The following E2F3 variants were observed in gnomAD, a reference collection of about 807,000 sequenced individuals.
E2F3 encodes the protein E2F transcription factor 3, also known as transcription factor E2F3.
E2F3 carries 11 observed loss-of-function variants against 44.4 expected under a neutral mutation model. The observed-to-expected ratio is 0.25, with a 90% confidence interval of 0.16 to 0.41. E2F3 has a LOEUF of 0.41. E2F3 is among the 10% of genes least tolerant of loss of function. The probability of loss-of-function intolerance (pLI) is 1.00; values close to 1 mark genes in which losing one functional copy is unlikely to be tolerated. For missense variants in E2F3, 487 were observed against 583.6 expected, an observed-to-expected ratio of 0.83 and a Z score of 1.70; for synonymous variants, 249 against 253.0, an observed-to-expected ratio of 0.98 and a Z score of 0.15.
Position 20,482,744 on chromosome 6 carries a change from C to CT in E2F3, c.726-17dup, listed in dbSNP as rs1379798669. On this transcript the variant is annotated splice_polypyrimidine_tract_variant and intron_variant, in intron 3 of 6. Transcript: ENST00000346618. ...CCTCCCATGAGTAGCCATGAAGAGTCTGTGTTTGGGTTTCTAGGGGCTGCA... is the reference window on the plus strand; with the variant it reads ...CCTCCCATGAGTAGCCATGAAGAGTCTTGTGTTTGGGTTTCTAGGGGCTGCA... The CT allele has an allele frequency of 1.3e-6, 2 of 1,579,558 alleles. No homozygotes were observed. The highest frequency in any genetic ancestry group is 2.7e-5 in the African/African-American group (2 of 73,768).
chr6:20,461,260 G>A (rs550690316), intron 1 of E2F3, among the ~76,000 whole-genome samples: 5 of 152,222 alleles, frequency 3.3e-5, no homozygotes, highest in African/African-American at 7.2e-5. Flanking sequence ...TTGGGAGGCC[G>A]AGGTGAGTGG....
Position 20,402,768 on chromosome 6 carries a change from T to C in E2F3, c.393+143T>C. ...TCGGGGGCTGCCCCTCCAACGAGGG[T>C]TCATTGTTAGACCTGAGTGCTCTTC... On this transcript the variant is annotated intron_variant, in intron 1 of 6. Coordinates refer to ENST00000346618, the MANE Select transcript of E2F3 (RefSeq NM_001949.5). The surrounding 1 kb of genome is among the most constrained non-coding windows in gnomAD (Gnocchi z 5.6). 4 of 1,243,554 alleles carry C rather than the reference T, an allele frequency of 3.2e-6. No individual in the cohort carries two copies. Among genetic ancestry groups the C allele is most frequent in the Non-Finnish European group, 4.0e-6 (4 of 994,400 alleles). The allele number at this position is 1,243,554 out of a possible 1,614,324, so 77.0% of individuals were successfully genotyped here. A position where few individuals can be genotyped will look rare whatever the true frequency, so the allele number is the denominator to read the frequency against.
chr6:20,457,404 CTCGA>C (rs1170803577), intron 1 of E2F3, among the ~76,000 whole-genome samples: 1 of 135,794 alleles, frequency 7.4e-6, no homozygotes, highest in Non-Finnish European at 1.5e-5. Context: ...GGCCAGGCTG[CTCGA>C]TCTCTTGACC....
chr6:20,402,224 G>A lies in E2F3; in HGVS notation c.-9G>A. ...TATACCATAACACTAAAAAGAGCAGGAGCGAGAGATGAGAAAGGGAATCCA... is the reference window on the plus strand; with the variant it reads ...TATACCATAACACTAAAAAGAGCAGAAGCGAGAGATGAGAAAGGGAATCCA... On this transcript the variant is annotated 5_prime_UTR_variant, in exon 1 of 7. Transcript: ENST00000346618. This position sits in a 1 kb window ranked among gnomAD's most constrained non-coding sequence, Gnocchi z 5.6. The A allele has an allele frequency of 1.3e-6, 2 of 1,583,232 alleles. No homozygotes were observed. Among genetic ancestry groups the A allele is most frequent in the Non-Finnish European group, 1.7e-6 (2 of 1,171,418 alleles).
At chr6:20,440,601 C>T (rs1040573206) in intron 1 of E2F3, among the ~76,000 whole-genome samples, 3 of 152,134 alleles carry the variant, frequency 2.0e-5, no homozygotes, top group African/African-American at 4.8e-5. Flanking sequence ...GGATTTGGTC[C>T]GCTCTCTGCA....
At chr6:20,431,401 G>T (rs1760394841) in intron 1 of E2F3, among the ~76,000 whole-genome samples, 1 of 152,202 alleles carries the variant, frequency 6.6e-6, no homozygotes, top group Admixed American at 6.5e-5. Context: ...TGTCCCGTGA[G>T]CTGAGATTTG....
intron 1 of E2F3, among the ~76,000 whole-genome samples, chr6:20,456,740 C>G (rs936657150): frequency 1.3e-5 from 2 of 152,200 alleles, no homozygotes; most frequent in African/African-American, 2.4e-5. Flanking sequence ...GCCTCAGATT[C>G]ATAAACCTTA....
chr6:20,444,101 G>A (rs1760861276), intron 1 of E2F3, among the ~76,000 whole-genome samples: 1 of 152,096 alleles, frequency 6.6e-6, no homozygotes, highest in African/African-American at 2.4e-5. Flanking sequence ...CAGCTACTTG[G>A]AAGGCTGAGC....
chr6:20,425,585 C>T (rs1760189013), intron 1 of E2F3, among the ~76,000 whole-genome samples: 2 of 152,136 alleles, frequency 1.3e-5, no homozygotes, highest in Admixed American at 6.6e-5. Context: ...GACGGGGTTT[C>T]ACCATGTCGG....
intron 1 of E2F3, among the ~76,000 whole-genome samples, chr6:20,409,517 A>G (rs1561846550): frequency 6.6e-6 from 1 of 152,190 alleles, no homozygotes; most frequent in African/African-American, 2.4e-5. Flanking sequence ...CCCCTCTGGT[A>G]GTAACGGAGT....
chr6:20,472,714 G>C (rs1027970956), intron 1 of E2F3, among the ~76,000 whole-genome samples: 3 of 152,052 alleles, frequency 2.0e-5, no homozygotes, highest in Admixed American at 1.3e-4. Context: ...TGTTAACTGA[G>C]ACCTCGGGTA....
intron 1 of E2F3, among the ~76,000 whole-genome samples, chr6:20,478,879 G>A (rs1264999844): frequency 6.6e-6 from 1 of 152,116 alleles, no homozygotes; most frequent in Non-Finnish European, 1.5e-5. Flanking sequence ...ACATATTTTT[G>A]TGCTGAGTGT....
At chr6:20,420,016 C>T (rs1158642955) in intron 1 of E2F3, among the ~76,000 whole-genome samples, 1 of 152,180 alleles carries the variant, frequency 6.6e-6, no homozygotes, top group Non-Finnish European at 1.5e-5. Flanking sequence ...GTGGCGCATG[C>T]CATCACACCC....
At chr6:20,438,799 T>C (rs1760676942) in intron 1 of E2F3, among the ~76,000 whole-genome samples, 1 of 152,194 alleles carries the variant, frequency 6.6e-6, no homozygotes. Context: ...GCCAGATAAT[T>C]GCCAGCTGTC....
At position 20,486,818 on chromosome 6, in the gene E2F3, T is replaced by C; in HGVS notation, c.999+15T>C. ...ACTCAATAGAGGTAAGGAGACAGCG[T>C]CTTTGTTCATCTGCAAAGATCTTTG... On this transcript the variant is annotated intron_variant, in intron 5 of 6. Transcript: ENST00000346618. The C allele has an allele frequency of 6.7e-7, 1 of 1,497,696 alleles. No homozygotes were observed. Among genetic ancestry groups the C allele is most frequent in the Admixed American group, 1.9e-5 (1 of 53,460 alleles). The allele number at this position is 1,497,696 out of a possible 1,614,324, so 92.8% of individuals were successfully genotyped here.
chr6:20,484,593 T>C (rs1762330675), intron 4 of E2F3, among the ~76,000 whole-genome samples: 1 of 152,186 alleles, frequency 6.6e-6, no homozygotes, highest in Non-Finnish European at 1.5e-5. Flanking sequence ...TTGACTTCTT[T>C]GATGGGTTAT....
intron 3 of E2F3, 42 bp from the exon 4 acceptor site, chr6:20,482,720 C>T (rs1762271921): frequency 6.5e-7 from 1 of 1,527,582 alleles, no homozygotes; most frequent in Admixed American, 2.2e-5. Flanking sequence ...CTTCCCCTCC[C>T]TCCCATGAGT....
intron 1 of E2F3, among the ~76,000 whole-genome samples, chr6:20,434,361 T>C (rs1760504916): frequency 2.0e-5 from 3 of 152,248 alleles, no homozygotes; most frequent in Non-Finnish European, 4.4e-5. Flanking sequence ...AACAGTTTGC[T>C]ATCTGTATAA....
intron 1 of E2F3, among the ~76,000 whole-genome samples, chr6:20,461,867 C>T (rs1761521146): frequency 2.0e-5 from 3 of 152,204 alleles, no homozygotes. Context: ...GAGGGGCCCT[C>T]CCCGTCAACC....
Sources: allele counts gnomAD v4.1 joint callset (sites outside exome capture counted in the v4.1 genomes callset), GRCh38; gene constraint gnomAD v4.1.1; non-coding constraint Gnocchi (gnomAD v3.1); transcripts MANE v1.5; gene names NCBI Gene and HGNC (gene_info 2026-07-23, HGNC 2026-07-21).